Variants in PDE4B observed in about 807,000 individuals in gnomAD.
PDE4B encodes 3',5'-cyclic-AMP phosphodiesterase 4B.
A neutral mutation model predicts 82.2 loss-of-function variants in PDE4B; 20 were observed. The ratio of observed to expected loss-of-function variants is 0.24; its 90% CI spans 0.17 to 0.35. The LOEUF is 0.35. Among genes scored for constraint, PDE4B ranks in the 10% least tolerant of loss-of-function variants. PDE4B has a pLI of 1.00. For missense variants in PDE4B, 655 were observed against 907.2 expected, an observed-to-expected ratio of 0.72 and a Z score of 3.57; for synonymous variants, 320 against 318.9, an observed-to-expected ratio of 1.00 and a Z score of -0.04.
intron 3 of PDE4B, among the ~76,000 whole-genome samples, chr1:65,920,599 G>C (rs1327787725): frequency 6.6e-6 from 1 of 152,138 alleles, no homozygotes; most frequent in African/African-American, 2.4e-5. Context: ...TTACCTCATA[G>C]GCTATTGTGA....
At chr1:66,221,235 C>T (rs12037030) in intron 3 of PDE4B, among the ~76,000 whole-genome samples, 3,145 of 152,248 alleles carry the variant, frequency 0.021, 108 homozygotes, top group East Asian at 0.15. Context: ...CCAGCCATTT[C>T]TAGCCTCTTT....
intron 3 of PDE4B, among the ~76,000 whole-genome samples, chr1:65,922,881 A>G (rs562695149): frequency 3.3e-4 from 51 of 152,296 alleles, no homozygotes; most frequent in Middle Eastern, 3.4e-3. Flanking sequence ...CTTTAGGGGC[A>G]CATTAGGGAT....
intron 9 of PDE4B, among the ~76,000 whole-genome samples, chr1:66,358,862 T>G (rs1241307580): frequency 6.6e-6 from 1 of 152,054 alleles, no homozygotes; most frequent in Non-Finnish European, 1.5e-5. Context: ...GGAAATCCCT[T>G]AATCCAGAGA....
At chr1:65,936,034 CT>C (rs1033400810) in intron 3 of PDE4B, among the ~76,000 whole-genome samples, 2 of 151,390 alleles carry the variant, frequency 1.3e-5, no homozygotes, top group East Asian at 1.9e-4. Flanking sequence ...AAGCTTTTTT[CT>C]TTTTTTTTCT....
chr1:66,327,239 G>A lies in PDE4B; in HGVS notation c.635-5269G>A, dbSNP rs530728341. Among the ~76,000 whole-genome samples the A allele has an allele frequency of 9.2e-5, 14 of 152,126 alleles. No individual in the cohort carries two copies. The East Asian group carries it at 1.2e-3, about 13-fold the overall frequency. On this transcript the variant is annotated intron_variant, in intron 7 of 16. Transcript: ENST00000341517. ...TGGGGAAGTTGGTCTATGAACCTAA[G>A]TATTAGATTAACTGAAAAATCATTG...
chr1:66,021,712 T>G (rs1344567670), intron 3 of PDE4B, among the ~76,000 whole-genome samples: 2 of 152,230 alleles, frequency 1.3e-5, no homozygotes, highest in Non-Finnish European at 2.9e-5. Context: ...TTGGTTATTG[T>G]AGCCTTGTAG....
At chr1:66,089,787 T>C (rs1644975471) in intron 3 of PDE4B, among the ~76,000 whole-genome samples, 1 of 152,110 alleles carries the variant, frequency 6.6e-6, no homozygotes. Context: ...CTCAAATCAT[T>C]TCTGAGCCAT....
chr1:66,114,117 G>A (rs970633789), intron 3 of PDE4B, among the ~76,000 whole-genome samples: 1 of 152,148 alleles, frequency 6.6e-6, no homozygotes, highest in African/African-American at 2.4e-5. Flanking sequence ...AAAGAGGCCC[G>A]AGAGAGTTGC....
At chr1:66,351,801 G>T (rs1287443417) in intron 8 of PDE4B, among the ~76,000 whole-genome samples, 4 of 152,202 alleles carry the variant, frequency 2.6e-5, no homozygotes, top group Non-Finnish European at 5.9e-5. Context: ...ACACTCCCAT[G>T]TGGGAGTCAG....
chr1:66,162,886 T>G (rs1024961195), intron 3 of PDE4B, among the ~76,000 whole-genome samples: 3 of 152,178 alleles, frequency 2.0e-5, no homozygotes, highest in African/African-American at 7.2e-5. Context: ...ATCAATTAAT[T>G]ATCAATTGTG....
chr1:66,239,337 A>G (rs746377045), intron 3 of PDE4B, among the ~76,000 whole-genome samples: 4 of 152,080 alleles, frequency 2.6e-5, no homozygotes, highest in Non-Finnish European at 5.9e-5. Flanking sequence ...TATAATGTCT[A>G]CATACAGAAA....
chr1:66,260,325 AAACCTGTT>A (rs1654590221), intron 6 of PDE4B, among the ~76,000 whole-genome samples: 1 of 152,210 alleles, frequency 6.6e-6, no homozygotes, highest in Non-Finnish European at 1.5e-5. Flanking sequence ...TTCATTTGCC[AAACCTGTT>A]AAGTCTTCTG....
intron 7 of PDE4B, among the ~76,000 whole-genome samples, chr1:66,273,173 C>G (rs551850963): frequency 1.3e-5 from 2 of 152,296 alleles, no homozygotes; most frequent in African/African-American, 2.4e-5. Flanking sequence ...GAATTTTGCT[C>G]TCTTTCTTTG....
intron 3 of PDE4B, among the ~76,000 whole-genome samples, chr1:65,936,510 C>T (rs1648147680): frequency 6.6e-6 from 1 of 152,104 alleles, no homozygotes; most frequent in Admixed American, 6.5e-5. Flanking sequence ...TTGGAAATAA[C>T]AAGGAAAGAA....
intron 3 of PDE4B, among the ~76,000 whole-genome samples, chr1:66,173,062 G>C (rs892062606): frequency 2.6e-5 from 4 of 152,068 alleles, no homozygotes. Context: ...GTCTTCTTTG[G>C]GCACATGGAT....
At chr1:66,285,710 T>A (rs754207180) in intron 7 of PDE4B, among the ~76,000 whole-genome samples, 38 of 152,046 alleles carry the variant, frequency 2.5e-4, no homozygotes, top group Non-Finnish European at 5.1e-4. Flanking sequence ...TTCCATGGTA[T>A]ATATATCTTA....
In PDE4B at chr1:66,316,274, T is replaced by C. The variant is rs531563925; in HGVS notation, c.635-16234T>C. 6.6e-4 allele frequency among the ~76,000 whole-genome samples: 100 copies of C among 152,376 alleles called. 1 individual carries two copies. Among genetic ancestry groups the C allele is most frequent in the African/African-American group, 2.4e-3 (98 of 41,596 alleles). The stretch of plus-strand genomic sequence containing the variant: ...AGATTAATATTCCCTTGTTTACTAC[T>C]ATTTCAAATAATACAAATTCACATA... On this transcript the variant is annotated intron_variant, in intron 7 of 16. Coordinates refer to ENST00000341517, the MANE Select transcript of PDE4B (RefSeq NM_002600.4).
At chr1:65,972,984 A>T (rs1650223587) in intron 3 of PDE4B, among the ~76,000 whole-genome samples, 1 of 152,168 alleles carries the variant, frequency 6.6e-6, no homozygotes. Context: ...ATTTAGGTAA[A>T]GTTGTTGGAG....
At chr1:66,274,500 G>A (rs1655739130) in intron 7 of PDE4B, among the ~76,000 whole-genome samples, 1 of 152,042 alleles carries the variant, frequency 6.6e-6, no homozygotes, top group South Asian at 2.1e-4. Flanking sequence ...TATTCTATAT[G>A]TTAAGATTGT....
Sources: gnomAD v4.1 joint callset for allele counts (sites outside exome capture counted in the v4.1 genomes callset) on GRCh38, gnomAD v4.1.1 for gene constraint, MANE v1.5 for transcripts, NCBI Gene and HGNC (gene_info 2026-07-23, HGNC 2026-07-21) for gene names.